DNAH6: variants seen among roughly 807,000 people sequenced by gnomAD.
DNAH6 encodes axonemal beta dynein heavy chain 6.
In DNAH6, 340 loss-of-function variants were observed where a neutral mutation model predicts 491.4. The ratio of observed to expected loss-of-function variants is 0.69; its 90% confidence interval spans 0.63 to 0.76. The LOEUF (loss-of-function observed/expected upper bound fraction) is 0.76, where lower values mean the gene tolerates loss of function less well. DNAH6 is among the 30% of genes least tolerant of loss of function. DNAH6 has a pLI of 0.00. For missense variants in DNAH6, 4,443 were observed against 4,972.2 expected, an observed-to-expected ratio of 0.89 and a Z score of 3.20; for synonymous variants, 1,603 against 1,686.1, an observed-to-expected ratio of 0.95 and a Z score of 1.21.
At chr2:84,628,229 T>G (rs528645094) in intron 29 of DNAH6, among the ~76,000 whole-genome samples, 16 of 152,166 alleles carry the variant, frequency 1.1e-4, no homozygotes, top group Admixed American at 2.6e-4. Context: ...GAAAGAGGAA[T>G]GGTATCCTCT....
chr2:84,787,414 A>G (rs1677311528), intron 68 of DNAH6, 112 bp downstream of exon 68: 2 of 761,856 alleles, frequency 2.6e-6, no homozygotes, highest in Non-Finnish European at 4.1e-6. Flanking sequence ...AATGGTGGTG[A>G]TGATGATATT....
intron 67 of DNAH6, among the ~76,000 whole-genome samples, chr2:84,786,316 C>G (rs1218544077): frequency 6.6e-6 from 1 of 151,464 alleles, no homozygotes; most frequent in African/African-American, 2.4e-5. Context: ...GTCCCAGCTA[C>G]TCAGGAGGCT....
At chr2:84,813,733 T>A (rs558021519) in intron 74 of DNAH6, among the ~76,000 whole-genome samples, 1 of 152,290 alleles carries the variant, frequency 6.6e-6, no homozygotes, top group South Asian at 2.1e-4. Flanking sequence ...AACACTGGCC[T>A]TCCCTCCCTT....
chr2:84,664,927 G>A (rs903718949), intron 37 of DNAH6, among the ~76,000 whole-genome samples: 4 of 152,142 alleles, frequency 2.6e-5, no homozygotes, highest in Non-Finnish European at 5.9e-5. Context: ...TCAAACTAGA[G>A]CTCAGGATTA....
chr2:84,751,308 A>G (rs1280269216), intron 63 of DNAH6: 1 of 152,246 alleles, frequency 6.6e-6, no homozygotes, highest in Admixed American at 6.5e-5. Flanking sequence ...CAGGATAACC[A>G]AACTGTTGTT....
At position 84,624,466 on chromosome 2, in the gene DNAH6, T is replaced by G; in HGVS notation, c.4199T>G (p.Val1400Gly). The change falls in exon 28 of 77, where the codon GTG (valine) becomes GGG (glycine). Residue 1400 changes from valine (V) to glycine (G), a missense_variant and splice_region_variant. Physicochemically the swap from Val to Gly is moderately radical, Grantham distance 109. Transcript: ENST00000389394. ...ATCTAATATGTATATCACATATAGG[T>G]GGAGACAGTTGAATCTTTTGACTGG... ...DIVTELVQSK[V>G]ETVESFDWQR... 1 of 1,551,670 alleles carries G rather than the reference T, an allele frequency of 6.4e-7. No homozygotes were observed. The highest frequency in any genetic ancestry group is 8.7e-7 in the Non-Finnish European group (1 of 1,146,920).
At chr2:84,738,469 A>G (rs1672213748) in intron 62 of DNAH6, among the ~76,000 whole-genome samples, 1 of 152,092 alleles carries the variant, frequency 6.6e-6, no homozygotes, top group Non-Finnish European at 1.5e-5. Flanking sequence ...ATTGTTGTGT[A>G]CTGCCAAAGT....
chr2:84,688,330 G>A (rs1050606197), intron 44 of DNAH6, 109 bp from the exon 45 acceptor site: 7 of 852,682 alleles, frequency 8.2e-6, no homozygotes, highest in Admixed American at 4.0e-5. Flanking sequence ...TTATTGCAAA[G>A]ACCTTCAAAA....
At position 84,669,242 on chromosome 2, in the gene DNAH6, A is replaced by G. The variant is rs1417151707; in HGVS notation, c.6085-47A>G. On this transcript the variant is annotated intron_variant, in intron 37 of 76. Transcript: ENST00000389394. The stretch of plus-strand genomic sequence containing the variant: ...TGAGTGTATCTACTACTGTGTGTCA[A>G]TATTGCTTATTCCCTATTGAAAGTG... The G allele has an allele frequency of 3.6e-6, 5 of 1,395,506 alleles. No homozygotes were observed. The East Asian group carries it at 1.0e-4, about 28-fold the overall frequency. The allele number at this position is 1,395,506 out of a possible 1,614,324, so 86.4% of individuals were successfully genotyped here.
In DNAH6 at chr2:84,672,386, G is replaced by T; in HGVS notation, c.6514G>T (p.Asp2172Tyr). ...FVDDLNMPRLDRYGSQPPIEL... is the reference protein window; with the variant it reads ...FVDDLNMPRLYRYGSQPPIEL... ...TGATGATTTAAACATGCCCAGACTG[G>T]ATCGCTATGGCTCTCAGCCTCCGAT... Residue 2172 changes from aspartate (D) to tyrosine (Y), a missense_variant, in exon 40 of 77, where the codon GAT becomes TAT. Transcript: ENST00000389394. 1 of 1,551,688 alleles carries T rather than the reference G, an allele frequency of 6.4e-7. No homozygotes were observed. Among genetic ancestry groups the T allele is most frequent in the Non-Finnish European group, 8.7e-7 (1 of 1,146,928 alleles).
At chr2:84,807,273 A>G (rs1159033279) in intron 71 of DNAH6, among the ~76,000 whole-genome samples, 1 of 152,184 alleles carries the variant, frequency 6.6e-6, no homozygotes, top group Non-Finnish European at 1.5e-5. Context: ...CAGCAGCCAA[A>G]TGTGTGTGGT....
rs1185509701 is a variant in DNAH6 at position 84,709,297 on chromosome 2, C to G, written c.9049-46C>G. The G allele has an allele frequency of 4.5e-6, 7 of 1,542,302 alleles. No homozygotes were observed. In the South Asian group the frequency reaches 8.4e-5, roughly 18 times the overall value. ...CACATTTTGCATGTGCCCTCGTTTA[C>G]TGAGTGTTCCTGACTCTACTCAAGT... is the stretch of plus-strand genomic sequence containing the variant. On this transcript the variant is annotated intron_variant, in intron 54 of 76. Coordinates refer to ENST00000389394, the MANE Select transcript of DNAH6 (RefSeq NM_001370.2).
intron 4 of DNAH6, among the ~76,000 whole-genome samples, chr2:84,541,803 A>T (rs1192520757): frequency 6.6e-6 from 1 of 152,192 alleles, no homozygotes; most frequent in Non-Finnish European, 1.5e-5. Flanking sequence ...CTTTGAAATA[A>T]AGTTTGGTGG....
At chr2:84,561,024 G>T (rs963225079) in intron 11 of DNAH6, among the ~76,000 whole-genome samples, 15 of 151,686 alleles carry the variant, frequency 9.9e-5, no homozygotes, top group Non-Finnish European at 2.1e-4. Flanking sequence ...AGATCCCTGA[G>T]GAATCGCCAC....
chr2:84,742,683 T>G (rs931038999), intron 62 of DNAH6, among the ~76,000 whole-genome samples: 1 of 152,144 alleles, frequency 6.6e-6, no homozygotes, highest in Non-Finnish European at 1.5e-5. Flanking sequence ...TTCTTTCTTC[T>G]TCCTTCTTCC....
the DNAH6 span, among the ~76,000 whole-genome samples, chr2:84,466,407 C>T: frequency 6.6e-6 from 1 of 152,210 alleles, no homozygotes. Flanking sequence ...AGAATACTCT[C>T]AGTTTCCAAA....
chr2:84,555,442 C>T (rs1347645851), intron 10 of DNAH6, among the ~76,000 whole-genome samples: 1 of 152,120 alleles, frequency 6.6e-6, no homozygotes, highest in Non-Finnish European at 1.5e-5. Flanking sequence ...TTTCCAAGAG[C>T]CTCTTTTTTA....
At chr2:84,726,106 G>C (rs761620107) in intron 60 of DNAH6, among the ~76,000 whole-genome samples, 9 of 152,166 alleles carry the variant, frequency 5.9e-5, no homozygotes, top group Non-Finnish European at 1.0e-4. Flanking sequence ...CCTATTAGTA[G>C]AAGAGGTGGG....
At chr2:84,690,557 T>C (rs1333777577) in intron 45 of DNAH6, among the ~76,000 whole-genome samples, 1 of 152,238 alleles carries the variant, frequency 6.6e-6, no homozygotes, top group African/African-American at 2.4e-5. Flanking sequence ...CTATTTATAA[T>C]CTTTCTTACT....
Sources: allele counts gnomAD v4.1 joint callset (sites outside exome capture counted in the v4.1 genomes callset), GRCh38; gene constraint gnomAD v4.1.1; transcripts MANE v1.5; gene names NCBI Gene and HGNC (gene_info 2026-07-23, HGNC 2026-07-21).